FAM3B: variants seen among roughly 807,000 people sequenced by gnomAD.
The protein encoded by FAM3B is FAM3 metabolism regulating signaling molecule B, also known as protein FAM3B.
A neutral mutation model predicts 28.4 loss-of-function variants in FAM3B; 29 were observed. The observed-to-expected ratio is 1.02, with a 90% CI of 0.76 to 1.39. The LOEUF is 1.39. Among genes scored for constraint, FAM3B ranks in the 40% most tolerant of loss-of-function variants. The pLI is 0.00. For missense variants in FAM3B, 266 were observed against 293.9 expected (o/e 0.91, Z 0.69); for synonymous variants, 91 against 103.0 (o/e 0.88, Z 0.71).
At chr21:41,327,621 C>T (rs190520654) in intron 2 of FAM3B, among the ~76,000 whole-genome samples, 1 of 152,294 alleles carries the variant, frequency 6.6e-6, no homozygotes, top group African/African-American at 2.4e-5. Flanking sequence ...TGTAGATTTC[C>T]TGAAATTACT....
chr21:41,330,386 C>G (rs2088894580), intron 2 of FAM3B, among the ~76,000 whole-genome samples: 1 of 152,176 alleles, frequency 6.6e-6, no homozygotes, highest in South Asian at 2.1e-4. Context: ...GTATACCCAA[C>G]TGGTATATAT....
chr21:41,333,552 A>C (rs970924007), intron 2 of FAM3B, among the ~76,000 whole-genome samples: 1 of 152,364 alleles, frequency 6.6e-6, no homozygotes, highest in African/African-American at 2.4e-5. Flanking sequence ...GCCTCCCCAG[A>C]AGCTGAGAAG....
At chr21:41,313,270 C>T (rs988247330), upstream of FAM3B, among the ~76,000 whole-genome samples, 31 of 152,186 alleles carry the variant, frequency 2.0e-4, no homozygotes, top group Admixed American at 1.9e-3. Context: ...ATATATATAA[C>T]CCTATAACCT....
At chr21:41,351,416 A>T (rs1184738814) in intron 7 of FAM3B, among the ~76,000 whole-genome samples, 1 of 152,238 alleles carries the variant, frequency 6.6e-6, no homozygotes, top group African/African-American at 2.4e-5. Context: ...ACCTAAACAC[A>T]GCAAGCAGTC....
At chr21:41,353,363 A>C (rs2089138274) in intron 7 of FAM3B, among the ~76,000 whole-genome samples, 1 of 152,256 alleles carries the variant, frequency 6.6e-6, no homozygotes, top group African/African-American at 2.4e-5. Context: ...AGTCTTGAAA[A>C]AGAACAAAGT....
At chr21:41,333,455 C>T (rs1050816610) in intron 2 of FAM3B, among the ~76,000 whole-genome samples, 1 of 152,080 alleles carries the variant, frequency 6.6e-6, no homozygotes, top group Non-Finnish European at 1.5e-5. Flanking sequence ...TGTGTGGTAC[C>T]TCCCTCTTCT....
At chr21:41,341,712 A>G (rs1283348764) in intron 3 of FAM3B, among the ~76,000 whole-genome samples, 1 of 152,198 alleles carries the variant, frequency 6.6e-6, no homozygotes, top group African/African-American at 2.4e-5. Flanking sequence ...TGAATATGTT[A>G]CAGTTATCCA....
chr21:41,309,235 T>G (rs1002835045), intron 1 of FAM3B, among the ~76,000 whole-genome samples: 5 of 152,200 alleles, frequency 3.3e-5, no homozygotes, highest in African/African-American at 9.6e-5. Context: ...ATATTCTACT[T>G]TTGGTCAAAA....
In FAM3B at chr21:41,321,906, T is replaced by C. The variant is rs74529476; in HGVS notation, c.20-1017T>C. Among the ~76,000 whole-genome samples, 143 of 152,298 alleles carry C rather than the reference T, an allele frequency of 9.4e-4. 1 individual carries two copies. The East Asian group carries it at 0.021, about 23-fold the overall frequency. ...TTGACATTCCCTTCTCTTCCTTTCC[T>C]TTTTCCTCCTTTCCTCATTTCCCCT... On this transcript the variant is annotated intron_variant, in intron 1 of 7. Transcript: ENST00000357985.
intron 2 of FAM3B, among the ~76,000 whole-genome samples, chr21:41,332,679 T>C (rs925052517): frequency 6.6e-6 from 1 of 152,210 alleles, no homozygotes; most frequent in Admixed American, 6.5e-5. Flanking sequence ...GACTTTTTAT[T>C]ACTGACTTCG....
In FAM3B at chr21:41,343,770, G is replaced by A. The variant is rs143316012; in HGVS notation, c.288-706G>A. ...AAGTCATTTAGTTTTCCTGATTTTA[G>A]GGCACAATCCTCTTGAATTTGGCAT... is the stretch of plus-strand genomic sequence containing the variant. On this transcript the variant is annotated intron_variant, in intron 3 of 7. Coordinates refer to ENST00000357985, the MANE Select transcript of FAM3B (RefSeq NM_058186.4). Among the ~76,000 whole-genome samples the A allele has an allele frequency of 2.6e-5, 4 of 152,222 alleles. No homozygotes were observed. In the East Asian group the frequency reaches 5.8e-4, roughly 22 times the overall value.
chr21:41,324,057 C>G (rs891427708), intron 2 of FAM3B, among the ~76,000 whole-genome samples: 1 of 152,112 alleles, frequency 6.6e-6, no homozygotes, highest in Non-Finnish European at 1.5e-5. Flanking sequence ...TTTATAAGGG[C>G]ACTACTCCCA....
In FAM3B at chr21:41,344,583, A is replaced by T. The variant is rs1246025124; in HGVS notation, c.346+49A>T. On this transcript the variant is annotated intron_variant, in intron 4 of 7. Transcript: ENST00000357985. ...AAACTTCTCTAAAAGCTCTCTGGTC[A>T]GATTTTCAAAGGTACCTTGGGTTTT... 2.6e-6 allele frequency: 4 copies of T among 1,529,696 alleles called. No homozygotes were observed. In the Admixed American group the frequency reaches 6.7e-5, roughly 26 times the overall value. 94.8% of individuals were successfully genotyped at this position (1,529,696 alleles called of 1,614,324 possible).
At chr21:41,329,536 G>A (rs1044492057) in intron 2 of FAM3B, among the ~76,000 whole-genome samples, 3 of 151,850 alleles carry the variant, frequency 2.0e-5, no homozygotes, top group East Asian at 1.9e-4. Flanking sequence ...ACTTGGATAC[G>A]CCAAAGAGAA....
At chr21:41,330,134 G>GAAAAA (rs3037004) in intron 2 of FAM3B, among the ~76,000 whole-genome samples, 3 of 138,772 alleles carry the variant, frequency 2.2e-5, no homozygotes, top group Admixed American at 7.2e-5. Flanking sequence ...GTCTGTATAG[G>GAAAAA]AAAAAAAAAA....
intron 6 of FAM3B, among the ~76,000 whole-genome samples, chr21:41,347,320 G>A (rs183887572): frequency 1.3e-5 from 2 of 152,248 alleles, no homozygotes; most frequent in East Asian, 3.9e-4. Context: ...TAAATCAAAG[G>A]AGTATTTCAA....
chr21:41,335,143 G>A (rs1277606552), intron 2 of FAM3B, among the ~76,000 whole-genome samples: 1 of 152,190 alleles, frequency 6.6e-6, no homozygotes, highest in African/African-American at 2.4e-5. Flanking sequence ...CAGGCTTGTA[G>A]GTGGAAGAGA....
chr21:41,334,937 G>T (rs1453579172), intron 2 of FAM3B, among the ~76,000 whole-genome samples: 1 of 152,234 alleles, frequency 6.6e-6, no homozygotes, highest in East Asian at 1.9e-4. Flanking sequence ...GTGTATGCTG[G>T]ATGTGAGACA....
At chr21:41,309,841 A>G (rs2088700190) in intron 1 of FAM3B, among the ~76,000 whole-genome samples, 1 of 152,212 alleles carries the variant, frequency 6.6e-6, no homozygotes, top group African/African-American at 2.4e-5. Context: ...GGACATTTGC[A>G]TTACCACCTG....
Sources: gnomAD v4.1 joint callset for allele counts (sites outside exome capture counted in the v4.1 genomes callset) on GRCh38, gnomAD v4.1.1 for gene constraint, MANE v1.5 for transcripts, NCBI Gene and HGNC (gene_info 2026-07-23, HGNC 2026-07-21) for gene names.